CASTOR2: variants seen among roughly 807,000 people sequenced by gnomAD.
CASTOR2 encodes the protein cytosolic arginine sensor for mTORC1 subunit 2.
A neutral mutation model predicts 31.2 loss-of-function variants in CASTOR2; 8 were observed. That is an observed-to-expected ratio of 0.26 (90% confidence interval 0.15 to 0.46). The LOEUF (loss-of-function observed/expected upper bound fraction) is 0.46, where lower values mean the gene tolerates loss of function less well. Ranked by LOEUF, CASTOR2 falls within the 20% of genes least tolerant of loss-of-function variation. The pLI is 0.99. For synonymous variants in CASTOR2, 162 were observed against 158.7 expected, an observed-to-expected ratio of 1.02 and a Z score of -0.16; for missense variants, 216 against 382.1, an observed-to-expected ratio of 0.57 and a Z score of 3.62.
intron 1 of CASTOR2, among the ~76,000 whole-genome samples, chr7:74,975,009 C>T (rs1294228574): frequency 6.6e-6 from 1 of 150,792 alleles, no homozygotes; most frequent in African/African-American, 2.4e-5. Flanking sequence ...CACTCTGTTG[C>T]CCAGGCTGGA....
At position 75,025,858 on chromosome 7, in the gene CASTOR2, C is replaced by T. The variant is rs1196506473; in HGVS notation, c.*1159C>T. ...GGCTCTGTGTCACTAAGCTGGTGCT[C>T]TGTGGCTCCAGGGACAGGCAGTGGG... On this transcript the variant is annotated 3_prime_UTR_variant, in exon 9 of 9. Coordinates refer to ENST00000616305, the MANE Select transcript of CASTOR2 (RefSeq NM_001145064.3). Among the ~76,000 whole-genome samples the T allele has an allele frequency of 1.3e-5, 2 of 152,202 alleles. No individual in the cohort carries two copies. The highest frequency in any genetic ancestry group is 4.8e-5 in the African/African-American group (2 of 41,448).
At chr7:75,008,182 T>G in intron 2 of CASTOR2, 118 bp downstream of exon 2, 1 of 1,283,864 alleles carries the variant, frequency 7.8e-7, no homozygotes, top group Non-Finnish European at 1.1e-6. Context: ...ACCTACCTCC[T>G]TACTTCTGCC....
chr7:75,017,166 C>G (rs1804882537), intron 2 of CASTOR2, among the ~76,000 whole-genome samples: 1 of 150,582 alleles, frequency 6.6e-6, no homozygotes, highest in Non-Finnish European at 1.5e-5. Flanking sequence ...CAATCCCATC[C>G]GGCTGGGTGC....
rs1482623094 is a variant in CASTOR2, at chr7:75,025,458, C to T, written c.*759C>T. On this transcript the variant is annotated 3_prime_UTR_variant, in exon 9 of 9. Transcript: ENST00000616305. ...AGCCTGGAGCACCAGCTCCTGTCCC[C>T]TCGGCTCTCCCTGGACCCGACTTGG... Among the ~76,000 whole-genome samples, 1 of 152,242 alleles carries T rather than the reference C, an allele frequency of 6.6e-6. No homozygotes were observed. Among genetic ancestry groups the T allele is most frequent in the Non-Finnish European group, 1.5e-5 (1 of 68,042 alleles).
Position 75,017,983 on chromosome 7 carries a change from C to A in CASTOR2, c.379-7C>A. On this transcript the variant is annotated splice_polypyrimidine_tract_variant and splice_region_variant and intron_variant, in intron 3 of 8. Transcript: ENST00000616305. The stretch of plus-strand genomic sequence containing the variant: ...AGGCACACACGGCCTCAACTTCTTG[C>A]CCCTAGGTGCGCGAGCGGGACCTGC... 6.2e-7 allele frequency: 1 copy of A among 1,614,206 alleles called. No individual in the cohort carries two copies. Among genetic ancestry groups the A allele is most frequent in the East Asian group, 2.2e-5 (1 of 44,882 alleles).
At position 75,004,059 on chromosome 7, in the gene CASTOR2, C is replaced by T. The variant is rs1353788543; in HGVS notation, c.114-3935C>T. 6.5e-4 allele frequency among the ~76,000 whole-genome samples: 99 copies of T among 152,236 alleles called. No homozygotes were observed. The South Asian group carries it at 0.019, about 29-fold the overall frequency. On this transcript the variant is annotated intron_variant, in intron 1 of 8. Coordinates refer to ENST00000616305, the MANE Select transcript of CASTOR2 (RefSeq NM_001145064.3). ...GAGTGTCCCTCAGAGCCGAGGGCGC[C>T]GGGAGCAAGGGCCGCGTCTGTTTGC...
In CASTOR2 at chr7:75,029,235, C is replaced by T. The variant is rs1224388345; in HGVS notation, c.*4536C>T. On this transcript the variant is annotated 3_prime_UTR_variant, in exon 9 of 9. Coordinates refer to ENST00000616305, the MANE Select transcript of CASTOR2 (RefSeq NM_001145064.3). Reference sequence around the variant, plus strand: ...TTTTCCAGGGATACCCTGGGGAGTCCTAAGGCCACCCTGGGCCCCTTTCTG... The same window carrying T: ...TTTTCCAGGGATACCCTGGGGAGTCTTAAGGCCACCCTGGGCCCCTTTCTG... Among the ~76,000 whole-genome samples, 3 of 152,180 alleles carry T rather than the reference C, an allele frequency of 2.0e-5. No individual in the cohort carries two copies. The highest frequency in any genetic ancestry group is 7.2e-5 in the African/African-American group (3 of 41,448).
intron 2 of CASTOR2, among the ~76,000 whole-genome samples, chr7:75,010,745 G>A (rs1428170940): frequency 6.6e-6 from 1 of 152,122 alleles, no homozygotes; most frequent in Non-Finnish European, 1.5e-5. Flanking sequence ...TGACTTCAGG[G>A]TAAGGGCTTC....
In CASTOR2 at chr7:75,028,721, ACT is replaced by A. The variant is rs1161813843; in HGVS notation, c.*4025_*4026del. On this transcript the variant is annotated 3_prime_UTR_variant, in exon 9 of 9. Transcript: ENST00000616305. The stretch of plus-strand genomic sequence containing the variant: ...CCCAGCAAAGATCTGGGCATTGCTG[ACT>A]CTGCACCTCCTTCCTCCATGGGCAT... Among the ~76,000 whole-genome samples the A allele has an allele frequency of 6.6e-6, 1 of 151,864 alleles. No homozygotes were observed. The highest frequency in any genetic ancestry group is 6.6e-5 in the Admixed American group (1 of 15,240).
At position 75,018,005 on chromosome 7, in the gene CASTOR2, C is replaced by T; in HGVS notation, c.394C>T (p.Leu132=). The change falls in exon 4 of 9, where the codon CTG becomes TTG. Residue 132 remains leucine (L), a synonymous_variant. Transcript: ENST00000616305. ...TTGCCCCTAGGTGCGCGAGCGGGAC[C>T]TGCCCTTTGTCACCCACACATTGTC... The part of the protein sequence containing the change: ...TDFILVRERD[L]PFVTHTLSSE... 6.2e-7 allele frequency: 1 copy of T among 1,614,236 alleles called. No individual in the cohort carries two copies.
At position 75,031,519 on chromosome 7, in the gene CASTOR2, A is replaced by G. The variant is rs1047970092; in HGVS notation, c.*6820A>G. Among the ~76,000 whole-genome samples the G allele has an allele frequency of 8.8e-5, 10 of 113,780 alleles. No individual in the cohort carries two copies. The East Asian group carries it at 2.0e-3, about 23-fold the overall frequency. The allele number at this position is 113,780 out of a possible 152,430, so 74.6% of individuals were successfully genotyped here. ...CTTTGTAAAGTGTTAATTAAAATGA[A>G]AAAAAAAAACGATGCTGGCTGGTGG... is the stretch of plus-strand genomic sequence containing the variant. On this transcript the variant is annotated 3_prime_UTR_variant, in exon 9 of 9. Transcript: ENST00000616305.
chr7:74,990,171 A>G (rs1804172263), intron 1 of CASTOR2, among the ~76,000 whole-genome samples: 2 of 150,676 alleles, frequency 1.3e-5, no homozygotes, highest in Admixed American at 1.3e-4. Context: ...GGCAGATCAC[A>G]AGGTCAGGAG....
At position 75,021,446 on chromosome 7, in the gene CASTOR2, C is replaced by T. The variant is rs1018498197; in HGVS notation, c.747-428C>T. ...CCTGCCACTTTGTCTCTAATAAACC[C>T]TCACCATAGCACTTCATCATAAGTA... On this transcript the variant is annotated intron_variant, in intron 6 of 8. Transcript: ENST00000616305. Among the ~76,000 whole-genome samples, 528 of 152,282 alleles carry T rather than the reference C, an allele frequency of 3.5e-3. 6 individuals carry two copies. The highest frequency in any genetic ancestry group is 0.012 in the African/African-American group (502 of 41,562).
chr7:75,006,803 C>T (rs1380983383), intron 1 of CASTOR2, among the ~76,000 whole-genome samples: 1 of 152,098 alleles, frequency 6.6e-6, no homozygotes, highest in African/African-American at 2.4e-5. Context: ...TAAGACATGC[C>T]TTAGCTCCTT....
intron 1 of CASTOR2, among the ~76,000 whole-genome samples, chr7:74,993,631 A>G (rs1298189854): frequency 2.0e-5 from 3 of 151,408 alleles, no homozygotes; most frequent in Admixed American, 6.6e-5. Context: ...TTGTATTTTT[A>G]GTAGAGACAG....
chr7:75,018,349 G>T (rs1804913720), intron 4 of CASTOR2, among the ~76,000 whole-genome samples: 2 of 152,170 alleles, frequency 1.3e-5, no homozygotes, highest in African/African-American at 4.8e-5. Context: ...AGACCAGCCT[G>T]ACCAACATGG....
chr7:74,989,782 T>TG (rs1554437122), intron 1 of CASTOR2, among the ~76,000 whole-genome samples: 2 of 152,006 alleles, frequency 1.3e-5, no homozygotes, highest in African/African-American at 4.8e-5. Flanking sequence ...AATGTGTGTG[T>TG]TTCCATGGAT....
rs1177516960 is a variant in CASTOR2 at position 75,029,362 on chromosome 7, CTTTT to C, written c.*4679_*4682del. 3.2e-5 allele frequency among the ~76,000 whole-genome samples: 4 copies of C among 126,176 alleles called. No homozygotes were observed. The highest frequency in any genetic ancestry group is 1.7e-5 in the Non-Finnish European group (1 of 59,638). The allele number at this position is 126,176 out of a possible 152,430, so 82.8% of individuals were successfully genotyped here. The stretch of plus-strand genomic sequence containing the variant: ...CACCTCAGCCCTGCAATGGGGGGAT[CTTTT>C]TTTTTTTTTTTTTTTGAGACAGGCT... On this transcript the variant is annotated 3_prime_UTR_variant, in exon 9 of 9. Transcript: ENST00000616305.
In CASTOR2 at chr7:75,018,088, C is replaced by A; in HGVS notation, c.477C>A (p.Leu159=). ...GCGAGACCGTGGCAGCCGAGAACCT[C>A]GGCATCACCAATGGCTTCGTGAAGC... ...VNGETVAAEN[L]GITNGFVKPK... Residue 159 remains leucine (L), a synonymous_variant, in exon 4 of 9, where the codon CTC becomes CTA. Transcript: ENST00000616305. 6.2e-7 allele frequency: 1 copy of A among 1,614,136 alleles called. No homozygotes were observed. The highest frequency in any genetic ancestry group is 1.1e-5 in the South Asian group (1 of 91,086).
Sources: allele counts gnomAD v4.1 joint callset (sites outside exome capture counted in the v4.1 genomes callset), GRCh38; gene constraint gnomAD v4.1.1; transcripts MANE v1.5; gene names NCBI Gene and HGNC (gene_info 2026-07-23, HGNC 2026-07-21).